PI4KA: variants seen among roughly 807,000 people sequenced by gnomAD.
The protein encoded by PI4KA is PI4-kinase alpha.
In PI4KA, 122 loss-of-function variants were observed where a neutral mutation model predicts 271.4. The observed-to-expected ratio is 0.45, with a 90% CI of 0.39 to 0.52. PI4KA has a LOEUF of 0.52. Ranked by LOEUF, PI4KA falls within the 20% of genes least tolerant of loss-of-function variation. The pLI is 0.00. For synonymous variants in PI4KA, 1,041 were observed against 1,078.8 expected, an observed-to-expected ratio of 0.96 and a Z score of 0.69; for missense variants, 1,969 against 2,769.1, an observed-to-expected ratio of 0.71 and a Z score of 6.48.
chr22:20,749,237 C>A (rs76135147), intron 28 of PI4KA, among the ~76,000 whole-genome samples: 1 of 152,328 alleles, frequency 6.6e-6, no homozygotes, highest in African/African-American at 2.4e-5. Flanking sequence ...CACTTTTGAG[C>A]CTGTTTCATC....
At chr22:20,770,795 G>A (rs1161198420) in intron 19 of PI4KA, among the ~76,000 whole-genome samples, 5 of 152,130 alleles carry the variant, frequency 3.3e-5, no homozygotes, top group African/African-American at 1.2e-4. Context: ...AAACTTTAGT[G>A]ATCCTCCTGC....
rs1473398712 is a variant in PI4KA, at chr22:20,811,032, C to T, written c.1006G>A (p.Val336Met). The T allele has an allele frequency of 7.4e-6, 12 of 1,612,072 alleles. No homozygotes were observed. Among genetic ancestry groups the T allele is most frequent in the South Asian group, 1.1e-5 (1 of 91,040 alleles). ...ACAGCCTCCTCAACGATCTTCTTCA[C>T]CTACCAAGGAAACAGAACCTCATGA... is the stretch of plus-strand genomic sequence containing the variant. ...LEMLRELLNL[V>M]KKIVEEAVLK... Residue 336 changes from valine to methionine, a missense_variant and splice_region_variant, in exon 9 of 55, where the codon GTG (valine) becomes ATG (methionine). Val to Met is a conservative substitution (Grantham distance 21). Around this residue, in one of 13 missense-constraint regions of PI4KA, gnomAD observed 540 missense variants for 555.5 expected, o/e 0.97. Coordinates refer to ENST00000255882, the MANE Select transcript of PI4KA (RefSeq NM_058004.4).
chr22:20,765,794 T>G, intron 19 of PI4KA, 101 bp from the exon 20 acceptor site: 1 of 738,424 alleles, frequency 1.4e-6, no homozygotes, highest in Middle Eastern at 2.4e-4. Flanking sequence ...CTAAGAGCAT[T>G]CTCAGAAACT....
At chr22:20,827,794 T>G (rs1318554087) in intron 3 of PI4KA, among the ~76,000 whole-genome samples, 1 of 152,126 alleles carries the variant, frequency 6.6e-6, no homozygotes, top group Non-Finnish European at 1.5e-5. Flanking sequence ...TCCAAGGTAT[T>G]TTATCTTTTC....
At chr22:20,777,948 T>C (rs1444121356) in intron 19 of PI4KA, among the ~76,000 whole-genome samples, 1 of 152,086 alleles carries the variant, frequency 6.6e-6, no homozygotes, top group East Asian at 1.9e-4. Flanking sequence ...ATAAAGGGAG[T>C]GCCCCTCAGG....
chr22:20,750,120 C>T (rs1002909236), intron 27 of PI4KA, 126 bp from the exon 28 acceptor site: 7 of 659,464 alleles, frequency 1.1e-5, no homozygotes, highest in Middle Eastern at 8.1e-4. Flanking sequence ...GTACCAGTAC[C>T]TCAGAGTGGA....
At chr22:20,785,802 A>G (rs192931364) in intron 19 of PI4KA, among the ~76,000 whole-genome samples, 1 of 152,314 alleles carries the variant, frequency 6.6e-6, no homozygotes, top group Non-Finnish European at 1.5e-5. Flanking sequence ...GCAACAGAAA[A>G]CACACCTCAG....
Position 20,790,740 on chromosome 22 carries a change from AC to A in PI4KA, c.2328+2452del, listed in dbSNP as rs1434535740. On this transcript the variant is annotated intron_variant, in intron 19 of 54. Coordinates refer to ENST00000255882, the MANE Select transcript of PI4KA (RefSeq NM_058004.4). ...CACACACACACACACACACACACAC[AC>A]AACAAAAAAAACCACCTCTGGAAAT... 2.1e-3 allele frequency among the ~76,000 whole-genome samples: 306 copies of A among 145,524 alleles called. 2 individuals are homozygous for A. The highest frequency in any genetic ancestry group is 7.6e-3 in the African/African-American group (298 of 39,248).
At chr22:20,831,037 T>G (rs1347796920) in intron 3 of PI4KA, among the ~76,000 whole-genome samples, 1 of 152,186 alleles carries the variant, frequency 6.6e-6, no homozygotes, top group East Asian at 1.9e-4. Flanking sequence ...ACTCCCAAAG[T>G]GCTGGGATTA....
chr22:20,708,287 G>T (rs936169295), intron 54 of PI4KA, among the ~76,000 whole-genome samples, 189 bp from the exon 55 acceptor site: 7 of 152,134 alleles, frequency 4.6e-5, no homozygotes, highest in African/African-American at 1.7e-4. Flanking sequence ...GGACTCCGAG[G>T]CCACCTCATG....
chr22:20,807,500 C>T (rs780785764), intron 9 of PI4KA, 42 bp from the exon 10 acceptor site: 10 of 1,163,150 alleles, frequency 8.6e-6, no homozygotes, highest in Non-Finnish European at 1.2e-5. Flanking sequence ...AACAGAAATG[C>T]CCTTCTGCCC....
intron 19 of PI4KA, among the ~76,000 whole-genome samples, chr22:20,791,198 A>T (rs1934624877): frequency 6.6e-6 from 1 of 151,800 alleles, no homozygotes; most frequent in Non-Finnish European, 1.5e-5. Flanking sequence ...AACATATTTG[A>T]AAGTTCACAA....
intron 14 of PI4KA, among the ~76,000 whole-genome samples, chr22:20,800,178 T>G (rs1014085414): frequency 1.3e-5 from 2 of 152,088 alleles, no homozygotes; most frequent in African/African-American, 4.8e-5. Flanking sequence ...AGGGGAAAAA[T>G]TTAAAGCCCC....
At chr22:20,739,709 A>AT (rs1929183425) in intron 32 of PI4KA, among the ~76,000 whole-genome samples, 4 of 152,176 alleles carry the variant, frequency 2.6e-5, no homozygotes, top group Admixed American at 2.6e-4. Context: ...TTTATAAGAA[A>AT]TAATGGAAAG....
chr22:20,842,405 G>C (rs1292271794), intron 1 of PI4KA, among the ~76,000 whole-genome samples: 7 of 152,126 alleles, frequency 4.6e-5, no homozygotes, highest in Non-Finnish European at 1.0e-4. Flanking sequence ...CAAGTCTGTG[G>C]CAATTTATTT....
At chr22:20,835,172 T>C (rs1267092008) in intron 2 of PI4KA, among the ~76,000 whole-genome samples, 3 of 152,160 alleles carry the variant, frequency 2.0e-5, no homozygotes, top group African/African-American at 7.2e-5. Context: ...TTCCTCTTGT[T>C]CTTCTCAAGT....
At chr22:20,752,268 G>A (rs1434543708) in intron 25 of PI4KA, among the ~76,000 whole-genome samples, 2 of 152,130 alleles carry the variant, frequency 1.3e-5, no homozygotes, top group Non-Finnish European at 2.9e-5. Flanking sequence ...ACTCGTTCTC[G>A]TGACCCCTGG....
intron 1 of PI4KA, among the ~76,000 whole-genome samples, chr22:20,848,237 C>CAAA (rs60503165): frequency 1.8e-4 from 9 of 51,192 alleles, no homozygotes; most frequent in East Asian, 6.0e-4. Flanking sequence ...GACTCCATCT[C>CAAA]AAAAAAAAAA....
chr22:20,817,604 G>A (rs1921975953), intron 7 of PI4KA, among the ~76,000 whole-genome samples: 1 of 150,716 alleles, frequency 6.6e-6, no homozygotes, highest in African/African-American at 2.4e-5. Context: ...CGTTGTGGAG[G>A]GTGCCTATAG....
Sources: allele counts gnomAD v4.1 joint callset (sites outside exome capture counted in the v4.1 genomes callset), GRCh38; gene constraint gnomAD v4.1.1; regional missense constraint gnomAD v4.1.1; transcripts MANE v1.5; gene names NCBI Gene and HGNC (gene_info 2026-07-23, HGNC 2026-07-21).